GON4L: variants seen among roughly 807,000 people sequenced by gnomAD.
The protein encoded by GON4L is gon-4 like.
A neutral mutation model predicts 211.8 loss-of-function variants in GON4L; 87 were observed. That is an observed-to-expected ratio of 0.41 (90% CI 0.35 to 0.49). The LOEUF (loss-of-function observed/expected upper bound fraction) is 0.49, where lower values mean the gene tolerates loss of function less well. Among genes scored for constraint, GON4L ranks in the 20% least tolerant of loss-of-function variants. The pLI is 0.15. For synonymous variants in GON4L, 875 were observed against 962.6 expected (o/e 0.91, Z 1.68); for missense variants, 2,155 against 2,659.5 (o/e 0.81, Z 4.17).
chr1:155,846,202 C>G (rs1319371595), intron 2 of GON4L: 1 of 229,434 alleles, frequency 4.4e-6, no homozygotes, highest in Non-Finnish European at 9.9e-6. Context: ...ACAAGATTGC[C>G]AACTGGGATG....
At position 155,751,804 on chromosome 1, in the gene GON4L, A is replaced by G. The variant is rs746274702; in HGVS notation, c.6539T>C (p.Ile2180Thr). 5.0e-6 allele frequency: 8 copies of G among 1,613,740 alleles called. No individual in the cohort carries two copies. In the East Asian group the frequency reaches 1.8e-4, roughly 36 times the overall value. Residue 2180 changes from isoleucine (I) to threonine (T), a missense_variant, in exon 31 of 32, where the codon ATC becomes ACC. This residue lies in a region of GON4L where 186 missense variants were observed against 308.1 expected (regional missense o/e 0.60). Transcript: ENST00000368331. ...EQGAQPQTFN[I>T]ISQQLGNKTP... ...CTTATTTCCCAGCTGCTGGGAGATG[A>G]TGTTGAAGGTCTGTGGCTGTGCCCC...
At chr1:155,830,346 C>T (rs1669640561) in intron 2 of GON4L, among the ~76,000 whole-genome samples, 1 of 151,896 alleles carries the variant, frequency 6.6e-6, no homozygotes, top group African/African-American at 2.4e-5. Context: ...GGCACGATCT[C>T]AGCTCACCGC....
intron 2 of GON4L, among the ~76,000 whole-genome samples, chr1:155,838,038 T>C (rs1557919417): frequency 6.6e-6 from 1 of 152,128 alleles, no homozygotes. Context: ...GTGGGAGGAC[T>C]GCTTGAGCCC....
At chr1:155,777,543 C>A (rs949897596) in intron 15 of GON4L, 79 bp downstream of exon 15, 14 of 1,049,812 alleles carry the variant, frequency 1.3e-5, no homozygotes, top group South Asian at 2.5e-5. Flanking sequence ...CGGGCCACTG[C>A]ACTCCAGGCT....
intron 24 of GON4L, among the ~76,000 whole-genome samples, chr1:155,760,103 G>C (rs1661632752): frequency 6.6e-6 from 1 of 151,372 alleles, no homozygotes; most frequent in Non-Finnish European, 1.5e-5. Flanking sequence ...TTGAGGTCAG[G>C]AATTGCTAGG....
Position 155,826,912 on chromosome 1 carries a change from G to A in GON4L, c.622C>T (p.Gln208Ter). 1 of 1,613,806 alleles carries A rather than the reference G, an allele frequency of 6.2e-7. No homozygotes were observed. Residue 208 changes from glutamine to a stop codon, truncating the protein, a stop_gained, in exon 3 of 32, where the codon CAA becomes TAA. Transcript: ENST00000368331. LOFTEE classifies it high-confidence loss of function. The stretch of plus-strand genomic sequence containing the variant: ...AACAGAGTCCTGAGTGGCTTTTCTT[G>A]AGGAGAGGCACAAACATCTGGCTGG... ...STQPDVCASPQEKPLRTLFHQ... is the reference protein window; with the variant it reads ...STQPDVCASP
intron 2 of GON4L, among the ~76,000 whole-genome samples, chr1:155,848,226 T>C (rs992086237): frequency 3.9e-5 from 6 of 152,200 alleles, no homozygotes; most frequent in African/African-American, 1.4e-4. Flanking sequence ...AGAACCCCCC[T>C]GGGCTGAGCC....
intron 14 of GON4L, among the ~76,000 whole-genome samples, chr1:155,778,824 G>A (rs376307030): frequency 5.3e-5 from 8 of 152,132 alleles, no homozygotes; most frequent in African/African-American, 7.2e-5. Context: ...CTGTTCTTAC[G>A]TTAGCTTGCT....
At chr1:155,775,465 T>C in intron 16 of GON4L, among the ~76,000 whole-genome samples, 1 of 151,986 alleles carries the variant, frequency 6.6e-6, no homozygotes, top group Non-Finnish European at 1.5e-5. Flanking sequence ...ATTTTTTTTT[T>C]TTTTTTCGAG....
At chr1:155,767,833 A>C (rs1262926023) in intron 19 of GON4L, among the ~76,000 whole-genome samples, 2 of 152,218 alleles carry the variant, frequency 1.3e-5, no homozygotes, top group African/African-American at 4.8e-5. Flanking sequence ...TAGGTCACAG[A>C]GAGAAAAGGA....
chr1:155,831,592 G>T (rs1669778871), intron 2 of GON4L: 1 of 151,968 alleles, frequency 6.6e-6, no homozygotes, highest in Admixed American at 6.6e-5. Flanking sequence ...GCCAGGAATT[G>T]TAGGTTGCAG....
chr1:155,852,536 CTG>C (rs551087871), intron 2 of GON4L, among the ~76,000 whole-genome samples: 42 of 150,172 alleles, frequency 2.8e-4, no homozygotes, highest in Admixed American at 2.5e-3. Context: ...GGTCAGGAGA[CTG>C]AGACCATCCT....
intron 20 of GON4L, chr1:155,766,944 G>A (rs1384095261): frequency 1.7e-6 from 1 of 598,696 alleles, no homozygotes; most frequent in African/African-American, 1.9e-5. Flanking sequence ...TACTCAGGAG[G>A]CGGAGGCAGG....
In GON4L at chr1:155,827,035, G is replaced by A. The variant is rs754944664; in HGVS notation, c.506-7C>T. Reference sequence around the variant, plus strand: ...GAATTCATTTGAGGTTTCCCTGGAAGAATCACAAATATTGCTCCACACTTT... The same window carrying A: ...GAATTCATTTGAGGTTTCCCTGGAAAAATCACAAATATTGCTCCACACTTT... On this transcript the variant is annotated splice_region_variant and splice_polypyrimidine_tract_variant and intron_variant, in intron 2 of 31. Coordinates refer to ENST00000368331, the MANE Select transcript of GON4L (RefSeq NM_001282860.2). 2 of 1,600,452 alleles carry A rather than the reference G, an allele frequency of 1.2e-6. No homozygotes were observed. The highest frequency in any genetic ancestry group is 1.1e-5 in the South Asian group (1 of 90,750).
At chr1:155,858,843 G>A (rs997763607), upstream of GON4L, among the ~76,000 whole-genome samples, 19 of 151,378 alleles carry the variant, frequency 1.3e-4, no homozygotes, top group African/African-American at 4.6e-4. Context: ...AGTAGCGTGT[G>A]CCACCACGCC....
At chr1:155,842,380 C>T (rs958515764) in intron 2 of GON4L, among the ~76,000 whole-genome samples, 24 of 151,300 alleles carry the variant, frequency 1.6e-4, no homozygotes, top group African/African-American at 5.8e-4. Flanking sequence ...AAAAATTAGC[C>T]GGGCATGGTG....
chr1:155,754,503 G>C lies in GON4L; in HGVS notation c.5518-15C>G, dbSNP rs1377191617. Reference sequence around the variant, plus strand: ...CATTCAGTCTCCTAGGAGATACTTGGGCTTGATTAGCTGCCAAGTTGTTTT... The same window carrying C: ...CATTCAGTCTCCTAGGAGATACTTGCGCTTGATTAGCTGCCAAGTTGTTTT... On this transcript the variant is annotated splice_polypyrimidine_tract_variant and intron_variant, in intron 27 of 31. Transcript: ENST00000368331. 7.5e-7 allele frequency: 1 copy of C among 1,328,782 alleles called. No individual in the cohort carries two copies. Among genetic ancestry groups the C allele is most frequent in the East Asian group, 2.3e-5 (1 of 43,412 alleles). The allele number at this position is 1,328,782 out of a possible 1,614,324, so 82.3% of individuals were successfully genotyped here.
downstream of GON4L, chr1:155,748,005 T>C: frequency 1.2e-6 from 2 of 1,602,924 alleles, no homozygotes; most frequent in Non-Finnish European, 1.7e-6. Context: ...TATCGTCTAT[T>C]AAACACAGCT....
rs1662029917 is a variant in GON4L at position 155,763,221 on chromosome 1, C to A, written c.4726+91G>T. The A allele has an allele frequency of 6.4e-6, 8 of 1,240,420 alleles. No individual in the cohort carries two copies. In the South Asian group the frequency reaches 1.1e-4, roughly 18 times the overall value. The allele number at this position is 1,240,420 out of a possible 1,614,324, so 76.8% of individuals were successfully genotyped here. A position where few individuals can be genotyped will look rare whatever the true frequency, so the allele number is the denominator to read the frequency against. ...GAGGGTTTCCTCTGGAAATCCTCCA[C>A]CTGGTTTATAAGCTACCCACCCTGC... On this transcript the variant is annotated intron_variant, in intron 22 of 31. Coordinates refer to ENST00000368331, the MANE Select transcript of GON4L (RefSeq NM_001282860.2).
Sources: allele counts gnomAD v4.1 joint callset (sites outside exome capture counted in the v4.1 genomes callset), GRCh38; gene constraint gnomAD v4.1.1; regional missense constraint gnomAD v4.1.1; transcripts MANE v1.5; gene names NCBI Gene and HGNC (gene_info 2026-07-23, HGNC 2026-07-21).